DPP10: variants seen among roughly 807,000 people sequenced by gnomAD.
DPP10 encodes the protein dipeptidyl peptidase like 10.
In DPP10, 33 loss-of-function variants were observed where a neutral mutation model predicts 120.9. The ratio of observed to expected loss-of-function variants is 0.27; its 90% CI spans 0.21 to 0.37. The LOEUF (loss-of-function observed/expected upper bound fraction) is 0.37, where lower values mean the gene tolerates loss of function less well. DPP10 is among the 10% of genes least tolerant of loss of function. DPP10 has a pLI of 1.00. For synonymous variants in DPP10, 337 were observed against 326.1 expected (o/e 1.03, Z -0.36); for missense variants, 816 against 942.8 (o/e 0.87, Z 1.76).
intron 1 of DPP10, among the ~76,000 whole-genome samples, chr2:115,244,063 T>G (rs2058409201): frequency 6.6e-6 from 1 of 151,370 alleles, no homozygotes; most frequent in South Asian, 2.1e-4. Context: ...AAGTAATACC[T>G]TAAAATAAGA....
chr2:114,658,932 G>C (rs141024985), intron 1 of DPP10, among the ~76,000 whole-genome samples: 21 of 152,298 alleles, frequency 1.4e-4, no homozygotes, highest in African/African-American at 4.8e-4. Flanking sequence ...GGTGGGAGGT[G>C]ATTAGATCAT....
intron 2 of DPP10, among the ~76,000 whole-genome samples, chr2:115,324,220 G>A (rs1296647192): frequency 6.6e-6 from 1 of 152,146 alleles, no homozygotes; most frequent in African/African-American, 2.4e-5. Flanking sequence ...AGGTTGCAGT[G>A]AGCTGAGATC....
At chr2:114,549,979 C>T (rs1444144669) in intron 1 of DPP10, among the ~76,000 whole-genome samples, 2 of 152,116 alleles carry the variant, frequency 1.3e-5, no homozygotes, top group Non-Finnish European at 2.9e-5. Flanking sequence ...AACCATCATG[C>T]CCCCAAACCT....
At chr2:115,371,395 A>C (rs1421978558) in intron 3 of DPP10, among the ~76,000 whole-genome samples, 1 of 152,174 alleles carries the variant, frequency 6.6e-6, no homozygotes, top group Non-Finnish European at 1.5e-5. Flanking sequence ...AAGAAACAAC[A>C]AATGTAGGCT....
intron 1 of DPP10, among the ~76,000 whole-genome samples, chr2:114,983,337 C>T (rs1289843475): frequency 2.6e-5 from 4 of 152,120 alleles, no homozygotes; most frequent in Non-Finnish European, 5.9e-5. Flanking sequence ...ATTATGAAAG[C>T]TCTTCTTGCT....
intron 3 of DPP10, among the ~76,000 whole-genome samples, chr2:115,488,318 G>A (rs1179635644): frequency 6.3e-5 from 1 of 15,876 alleles, no homozygotes; most frequent in Non-Finnish European, 1.3e-4. Flanking sequence ...GGAAGTCAGT[G>A]TGGCGATTCC....
At position 115,318,099 on chromosome 2, in the gene DPP10, C is replaced by A. The variant is rs564393206; in HGVS notation, c.175+8746C>A. ...AGTTTATCTACATGGGTCATTGATT[C>A]ATTTTGAGTTAATTTTTTTTATGGT... is the stretch of plus-strand genomic sequence containing the variant. On this transcript the variant is annotated intron_variant, in intron 2 of 25. Coordinates refer to ENST00000410059, the MANE Select transcript of DPP10 (RefSeq NM_020868.6). Among the ~76,000 whole-genome samples the A allele has an allele frequency of 1.2e-4, 18 of 151,910 alleles. No individual in the cohort carries two copies. The South Asian group carries it at 2.3e-3, about 19-fold the overall frequency.
intron 7 of DPP10, among the ~76,000 whole-genome samples, chr2:115,697,655 A>C (rs79352028): frequency 6.6e-6 from 1 of 152,038 alleles, no homozygotes; most frequent in Non-Finnish European, 1.5e-5. Flanking sequence ...GGCTAGAAAA[A>C]CCAGAGAGAA....
intron 1 of DPP10, among the ~76,000 whole-genome samples, chr2:114,820,170 G>A (rs1258633735): frequency 6.6e-6 from 1 of 152,160 alleles, no homozygotes; most frequent in Non-Finnish European, 1.5e-5. Context: ...GCCAGAGAGA[G>A]TGCAAGATGA....
chr2:114,855,439 T>C (rs904913427), intron 1 of DPP10, among the ~76,000 whole-genome samples: 1 of 152,210 alleles, frequency 6.6e-6, no homozygotes, highest in African/African-American at 2.4e-5. Context: ...TTATATTTTA[T>C]GATATTTTCT....
chr2:115,539,895 C>A (rs987160291), intron 5 of DPP10, among the ~76,000 whole-genome samples: 1 of 151,156 alleles, frequency 6.6e-6, no homozygotes, highest in Non-Finnish European at 1.5e-5. Flanking sequence ...TCTAATTATA[C>A]CAAGACAGCA....
rs369246766 is a variant in DPP10 at position 115,642,625 on chromosome 2, ATCTC to A, written c.442-47058_442-47055del. Among the ~76,000 whole-genome samples the A allele has an allele frequency of 8.0e-5, 12 of 150,498 alleles. No homozygotes were observed. In the East Asian group the frequency reaches 2.2e-3, roughly 27 times the overall value. On this transcript the variant is annotated intron_variant, in intron 5 of 25. Coordinates refer to ENST00000410059, the MANE Select transcript of DPP10 (RefSeq NM_020868.6). ...TCTCTTAAATTCCCTTTCTCTTTCA[ATCTC>A]TCTATCTCCCTCTCTCCTTTCCCTA...
At chr2:114,728,374 C>A (rs1056425120) in intron 1 of DPP10, among the ~76,000 whole-genome samples, 1 of 152,172 alleles carries the variant, frequency 6.6e-6, no homozygotes, top group African/African-American at 2.4e-5. Flanking sequence ...CTGGGCCCTA[C>A]TATGCCCTTT....
At chr2:115,291,742 C>T (rs907412632) in intron 1 of DPP10, among the ~76,000 whole-genome samples, 7 of 152,170 alleles carry the variant, frequency 4.6e-5, no homozygotes, top group South Asian at 4.1e-4. Flanking sequence ...TCTTTTGTGA[C>T]GATGGAATGG....
intron 13 of DPP10, among the ~76,000 whole-genome samples, chr2:115,771,263 C>T (rs939963756): frequency 6.6e-6 from 1 of 151,682 alleles, no homozygotes; most frequent in Non-Finnish European, 1.5e-5. Flanking sequence ...TTAGTAGAGG[C>T]GGGTTTCACC....
At chr2:115,507,037 CACACACACACACACACACAG>C in intron 4 of DPP10, among the ~76,000 whole-genome samples, 1 of 144,760 alleles carries the variant, frequency 6.9e-6, no homozygotes, top group South Asian at 2.1e-4. Context: ...CGCACGCGCA[CACACACACACACACACACAG>C]ACACACACAC....
intron 1 of DPP10, among the ~76,000 whole-genome samples, chr2:114,508,599 T>C (rs563413700): frequency 3.9e-5 from 6 of 152,154 alleles, no homozygotes; most frequent in Non-Finnish European, 7.3e-5. Flanking sequence ...GGGCTTAGTG[T>C]GCCCAGAAAA....
chr2:115,492,895 A>G (rs1558750871), intron 3 of DPP10, among the ~76,000 whole-genome samples: 2 of 152,114 alleles, frequency 1.3e-5, no homozygotes, highest in Non-Finnish European at 1.5e-5. Context: ...TTAGGTGAAT[A>G]CTTTAAAGGT....
chr2:114,514,974 A>C (rs575690155), intron 1 of DPP10, among the ~76,000 whole-genome samples: 1 of 152,202 alleles, frequency 6.6e-6, no homozygotes, highest in Non-Finnish European at 1.5e-5. Flanking sequence ...CAAGTTGTGC[A>C]TAAGCAGTAT....
Sources: allele counts gnomAD v4.1 joint callset (sites outside exome capture counted in the v4.1 genomes callset), GRCh38; gene constraint gnomAD v4.1.1; transcripts MANE v1.5; gene names NCBI Gene and HGNC (gene_info 2026-07-23, HGNC 2026-07-21).